Variants in ZDHHC15 observed in about 807,000 individuals in gnomAD.
The protein encoded by ZDHHC15 is zDHHC palmitoyltransferase 15, also known as palmitoyltransferase ZDHHC15.
Under a neutral mutation model 31.7 loss-of-function variants are expected in ZDHHC15, and 19 were observed. That is an observed-to-expected ratio of 0.60 (90% CI 0.42 to 0.88). The LOEUF (loss-of-function observed/expected upper bound fraction) is 0.88, where lower values mean the gene tolerates loss of function less well. Ranked by LOEUF, ZDHHC15 falls within the 40% of genes least tolerant of loss-of-function variation. The pLI is 0.00. For synonymous variants in ZDHHC15, 103 were observed against 90.0 expected, an observed-to-expected ratio of 1.14 and a Z score of -0.82; for missense variants, 209 against 251.2, an observed-to-expected ratio of 0.83 and a Z score of 1.14.
chrX:75,415,825 A>G (rs1352553951), intron 10 of ZDHHC15, among the ~76,000 whole-genome samples: 1 of 112,725 alleles, frequency 8.9e-6, no homozygotes, highest in Non-Finnish European at 1.9e-5. Flanking sequence ...ATGTGATGCT[A>G]TATCTACATT....
chrX:75,457,641 A>ACACT (rs1434747160), intron 3 of ZDHHC15, among the ~76,000 whole-genome samples: 2 of 90,631 alleles, frequency 2.2e-5, no homozygotes, highest in East Asian at 6.0e-4. Flanking sequence ...AGTTTTATTT[A>ACACT]CACTCACACA....
chrX:75,463,925 C>A (rs1569343403), intron 3 of ZDHHC15, among the ~76,000 whole-genome samples: 1 of 111,697 alleles, frequency 9.0e-6, no homozygotes, highest in Admixed American at 9.5e-5. Context: ...CCCAGCCATC[C>A]CATTACTGGG....
At chrX:75,434,929 C>T (rs1040226304) in intron 4 of ZDHHC15, among the ~76,000 whole-genome samples, 5 of 112,086 alleles carry the variant, frequency 4.5e-5, no homozygotes, top group African/African-American at 1.6e-4. Context: ...CTTTTGGCAG[C>T]ATGGTCATTT....
intron 4 of ZDHHC15, among the ~76,000 whole-genome samples, chrX:75,435,859 A>G (rs1016097314): frequency 3.6e-5 from 4 of 111,922 alleles, no homozygotes; most frequent in African/African-American, 1.3e-4. Flanking sequence ...GGCTTCATAG[A>G]ATAATTTAGG....
intron 9 of ZDHHC15, among the ~76,000 whole-genome samples, chrX:75,419,025 A>T (rs1292475826): frequency 8.9e-6 from 1 of 112,200 alleles, no homozygotes; most frequent in Non-Finnish European, 1.9e-5. Context: ...GAGGCAACCT[A>T]TAGAATGGGA....
chrX:75,449,721 AAT>A (rs1402773301), intron 4 of ZDHHC15, among the ~76,000 whole-genome samples: 1 of 112,424 alleles, frequency 8.9e-6, no homozygotes, highest in African/African-American at 3.2e-5. Flanking sequence ...TGAACAAATG[AAT>A]ATGTGTCTGA....
chrX:75,477,938 T>C (rs1156302022), intron 3 of ZDHHC15, among the ~76,000 whole-genome samples: 1 of 111,329 alleles, frequency 9.0e-6, no homozygotes. Context: ...TTCCTCAATT[T>C]CTACATTGTT....
At chrX:75,494,749 G>A (rs1383344756) in intron 2 of ZDHHC15, among the ~76,000 whole-genome samples, 7 of 112,053 alleles carry the variant, frequency 6.2e-5, no homozygotes, top group African/African-American at 2.3e-4. Flanking sequence ...GCTGAAACTG[G>A]ATCCCTTCCT....
At chrX:75,453,139 C>G (rs1472835078) in intron 3 of ZDHHC15, among the ~76,000 whole-genome samples, 2 of 111,200 alleles carry the variant, frequency 1.8e-5, no homozygotes, top group Non-Finnish European at 3.8e-5. Context: ...GACTGCTAGA[C>G]TGCTAGCAAG....
chrX:75,441,844 CGATCTCCT>C (rs1340461197), intron 4 of ZDHHC15, among the ~76,000 whole-genome samples: 1 of 109,864 alleles, frequency 9.1e-6, no homozygotes, highest in Non-Finnish European at 1.9e-5. Context: ...AGGATGGTCT[CGATCTCCT>C]GATCTCGTGA....
chrX:75,511,590 C>T (rs1371968434), intron 1 of ZDHHC15, among the ~76,000 whole-genome samples: 1 of 99,516 alleles, frequency 1.0e-5, no homozygotes. Context: ...AATTAGATCC[C>T]ATTTGTCAAT....
intron 2 of ZDHHC15, among the ~76,000 whole-genome samples, chrX:75,481,792 C>A (rs1260737068): frequency 9.0e-6 from 1 of 111,730 alleles, no homozygotes; most frequent in Non-Finnish European, 1.9e-5. Context: ...TTCCTCAGAG[C>A]AGTGATTCTC....
chrX:75,497,108 AAGAG>A (rs1479646739), intron 2 of ZDHHC15, among the ~76,000 whole-genome samples: 1 of 112,168 alleles, frequency 8.9e-6, no homozygotes, highest in African/African-American at 3.2e-5. Context: ...CCAACATAAA[AAGAG>A]AGAAGTACAA....
intron 1 of ZDHHC15, among the ~76,000 whole-genome samples, chrX:75,516,387 T>G (rs2085356931): frequency 9.0e-6 from 1 of 111,637 alleles, no homozygotes; most frequent in African/African-American, 3.3e-5. Flanking sequence ...CCAAAAAAGA[T>G]ATATAGACCA....
chrX:75,507,384 T>C (rs2085184852), intron 1 of ZDHHC15, among the ~76,000 whole-genome samples: 1 of 110,861 alleles, frequency 9.0e-6, no homozygotes. Flanking sequence ...AACTTCCCTT[T>C]TGGAAATTAC....
At chrX:75,431,988 T>G (rs2083785659) in intron 4 of ZDHHC15, among the ~76,000 whole-genome samples, 1 of 111,719 alleles carries the variant, frequency 9.0e-6, no homozygotes, top group Admixed American at 9.5e-5. Context: ...AGAAGAGACA[T>G]TCTAGAACAA....
chrX:75,377,560 A>C (rs1445320499), intron 11 of ZDHHC15, among the ~76,000 whole-genome samples: 1 of 110,800 alleles, frequency 9.0e-6, no homozygotes, highest in African/African-American at 3.3e-5. Flanking sequence ...TCACTTTATT[A>C]ATATATTTGG....
intron 3 of ZDHHC15, among the ~76,000 whole-genome samples, chrX:75,471,612 C>T (rs1377619721): frequency 8.9e-6 from 1 of 112,083 alleles, no homozygotes; most frequent in African/African-American, 3.2e-5. Context: ...ATTTTAGATG[C>T]AACACATTCC....
intron 10 of ZDHHC15, among the ~76,000 whole-genome samples, chrX:75,415,669 C>T (rs1166448961): frequency 8.9e-6 from 1 of 111,934 alleles, no homozygotes; most frequent in African/African-American, 3.2e-5. Flanking sequence ...CCTATCTAAC[C>T]TGAAAGTTGT....
Sources: gnomAD v4.1 joint callset for allele counts (sites outside exome capture counted in the v4.1 genomes callset) on GRCh38, gnomAD v4.1.1 for gene constraint, MANE v1.5 for transcripts, NCBI Gene and HGNC (gene_info 2026-07-23, HGNC 2026-07-21) for gene names.